The following NAPG variants were observed in gnomAD, a reference collection of about 807,000 sequenced individuals.
The protein encoded by NAPG is gamma-soluble NSF attachment protein.
A neutral mutation model predicts 48.4 loss-of-function variants in NAPG; 25 were observed. The observed-to-expected ratio is 0.52, with a 90% CI of 0.38 to 0.72. NAPG has a LOEUF of 0.72. Among genes scored for constraint, NAPG ranks in the 30% least tolerant of loss-of-function variants. The pLI, the probability that NAPG is intolerant of heterozygous loss-of-function variation, is 0.00. For missense variants in NAPG, 359 were observed against 372.5 expected (o/e 0.96, Z 0.30); for synonymous variants, 139 against 127.2 (o/e 1.09, Z -0.62).
intron 8 of NAPG, 38 bp downstream of exon 8, chr18:10,540,437 A>G (rs758642735): frequency 3.2e-6 from 5 of 1,544,326 alleles, no homozygotes; most frequent in Non-Finnish European, 4.4e-6. Context: ...GTTTAACTAT[A>G]CTTTGAATCC....
chr18:10,526,123 C>T lies in NAPG; in HGVS notation c.21C>T (p.Asn7=). 6 of 1,613,546 alleles carry T rather than the reference C, an allele frequency of 3.7e-6. No homozygotes were observed. Among genetic ancestry groups the T allele is most frequent in the Non-Finnish European group, 5.1e-6 (6 of 1,179,598 alleles). Residue 7 remains asparagine, a synonymous_variant, in exon 1 of 12, where the codon AAC becomes AAT. Coordinates refer to ENST00000322897, the MANE Select transcript of NAPG (RefSeq NM_003826.3). MAAQKI[N]EGLEHLAKAE... ...TGGAGATGGCGGCTCAGAAGATAAA[C>T]GAGGGGCTGGAACACCTCGCCAAAG...
intron 5 of NAPG, among the ~76,000 whole-genome samples, chr18:10,536,156 T>G (rs994851505): frequency 1.3e-5 from 2 of 152,216 alleles, no homozygotes; most frequent in Non-Finnish European, 2.9e-5. Flanking sequence ...TTTCCATTGC[T>G]CAAGTATCTA....
intron 5 of NAPG, among the ~76,000 whole-genome samples, chr18:10,535,680 G>A (rs1283011825): frequency 6.6e-6 from 1 of 152,208 alleles, no homozygotes; most frequent in African/African-American, 2.4e-5. Context: ...AGAATTGCTT[G>A]AACCCAGGAG....
At chr18:10,536,876 A>C (rs566990584) in intron 5 of NAPG, among the ~76,000 whole-genome samples, 7 of 152,076 alleles carry the variant, frequency 4.6e-5, no homozygotes, top group Non-Finnish European at 8.8e-5. Context: ...TGAACTACCC[A>C]AGGGTTGGGA....
chr18:10,549,562 G>A (rs1379822904), intron 11 of NAPG, among the ~76,000 whole-genome samples: 1 of 152,214 alleles, frequency 6.6e-6, no homozygotes, highest in African/African-American at 2.4e-5. Context: ...GAAGCCACTA[G>A]TACCTGTCTT....
At chr18:10,549,118 G>C (rs750438308) in intron 11 of NAPG, 22 bp downstream of exon 11, 60 of 1,585,640 alleles carry the variant, frequency 3.8e-5, no homozygotes, top group Middle Eastern at 1.7e-4. Context: ...CATTTGCATA[G>C]CTTTCATCTT....
chr18:10,536,352 C>T (rs960917031), intron 5 of NAPG, among the ~76,000 whole-genome samples: 2 of 152,204 alleles, frequency 1.3e-5, no homozygotes, highest in Admixed American at 6.5e-5. Flanking sequence ...AAAATTTCTA[C>T]CAATTTGTCA....
intron 11 of NAPG, 123 bp from the exon 12 acceptor site, chr18:10,549,954 C>A: frequency 2.0e-6 from 2 of 1,025,024 alleles, no homozygotes; most frequent in Non-Finnish European, 2.6e-6. Context: ...TTTGTTTTTC[C>A]ATCTGAATGG....
chr18:10,547,147 G>A (rs115466200), intron 9 of NAPG, among the ~76,000 whole-genome samples: 1,954 of 152,286 alleles, frequency 0.013, 46 homozygotes, highest in African/African-American at 0.045. Flanking sequence ...CATCACTGTC[G>A]AAGTGTTGCA....
Position 10,539,942 on chromosome 18 carries a change from A to C in NAPG, c.369-46A>C. 6.2e-7 allele frequency: 1 copy of C among 1,607,170 alleles called. No individual in the cohort carries two copies. Among genetic ancestry groups the C allele is most frequent in the Non-Finnish European group, 8.5e-7 (1 of 1,175,328 alleles). On this transcript the variant is annotated intron_variant, in intron 6 of 11. Transcript: ENST00000322897. This position sits in a 1 kb window ranked among gnomAD's most constrained non-coding sequence, Gnocchi z 4.7. ...TGTTTTAAAGAGGTCCCTGAAAAAC[A>C]AGTTTTCCATTTCTCATATAAGACA...
Position 10,526,082 on chromosome 18 carries a change from G to A in NAPG, c.-21G>A, listed in dbSNP as rs754204489. On this transcript the variant is annotated 5_prime_UTR_variant, in exon 1 of 12. Coordinates refer to ENST00000322897, the MANE Select transcript of NAPG (RefSeq NM_003826.3). Reference sequence around the variant, plus strand: ...AGAGGCAGGGTCACCCTCTCTCCACGTCAGAGACCTGACTGTGGAGATGGC... The same window carrying A: ...AGAGGCAGGGTCACCCTCTCTCCACATCAGAGACCTGACTGTGGAGATGGC... The A allele has an allele frequency of 3.7e-6, 6 of 1,611,304 alleles. No homozygotes were observed. In the South Asian group the frequency reaches 6.6e-5, roughly 18 times the overall value.
intron 1 of NAPG, chr18:10,526,836 C>T (rs1012677729): frequency 2.6e-5 from 4 of 152,304 alleles, no homozygotes; most frequent in African/African-American, 9.7e-5. Flanking sequence ...TTTTGGCAGC[C>T]TCTTCCCCCC....
intron 1 of NAPG, among the ~76,000 whole-genome samples, chr18:10,528,627 G>T (rs980540964): frequency 6.6e-6 from 1 of 152,202 alleles, no homozygotes; most frequent in Non-Finnish European, 1.5e-5. Context: ...CAGTAAGGTT[G>T]ACATGCTTTA....
chr18:10,534,579 A>G lies in NAPG; in HGVS notation c.258+83A>G. 5 of 1,345,256 alleles carry G rather than the reference A, an allele frequency of 3.7e-6. No homozygotes were observed. The East Asian group carries it at 6.9e-5, about 19-fold the overall frequency. 83.3% of individuals were successfully genotyped at this position (1,345,256 alleles called of 1,614,324 possible). The stretch of plus-strand genomic sequence containing the variant: ...TAAACAAGAATTTTTGTTGAAGTTG[A>G]AAAGCTTCCTTACTGTAAGGCAAGA... On this transcript the variant is annotated intron_variant, in intron 5 of 11. Transcript: ENST00000322897. The surrounding 1 kb of genome is among the most constrained non-coding windows in gnomAD (Gnocchi z 5.0).
In NAPG at chr18:10,548,234, A is replaced by C; in HGVS notation, c.586-65A>C. 1 of 1,178,062 alleles carries C rather than the reference A, an allele frequency of 8.5e-7. No homozygotes were observed. Among genetic ancestry groups the C allele is most frequent in the Non-Finnish European group, 1.3e-6 (1 of 789,090 alleles). The allele number at this position is 1,178,062 out of a possible 1,614,324, so 73.0% of individuals were successfully genotyped here. A position where few individuals can be genotyped will look rare whatever the true frequency, so the allele number is the denominator to read the frequency against. On this transcript the variant is annotated intron_variant, in intron 9 of 11. Transcript: ENST00000322897. This position sits in a 1 kb window ranked among gnomAD's most constrained non-coding sequence, Gnocchi z 4.4. ...AAGTTAAACTCCAGGTGTTTTCAATACTGCCAGGTTATTGACTTTATTAAA... is the reference window on the plus strand; with the variant it reads ...AAGTTAAACTCCAGGTGTTTTCAATCCTGCCAGGTTATTGACTTTATTAAA...
At chr18:10,545,678 G>A (rs956553436) in intron 8 of NAPG, among the ~76,000 whole-genome samples, 2 of 152,194 alleles carry the variant, frequency 1.3e-5, no homozygotes, top group Non-Finnish European at 2.9e-5. Context: ...GGGCCTGGAG[G>A]GTTTGGGGGA....
rs1555613447 is a variant in NAPG, at chr18:10,543,146, A to AG, written c.506+2747_506+2748insG. Among the ~76,000 whole-genome samples the AG allele has an allele frequency of 8.2e-5, 12 of 146,812 alleles. No homozygotes were observed. The highest frequency in any genetic ancestry group is 1.9e-4 in the African/African-American group (7 of 36,914). On this transcript the variant is annotated intron_variant, in intron 8 of 11. Transcript: ENST00000322897. This position sits in a 1 kb window ranked among gnomAD's most constrained non-coding sequence, Gnocchi z 4.4. ...TGAGACTCCCATCTCAAAAAAAAAA[A>AG]AAAAGAAAAGAAAAGAAAAAAAGAC...
chr18:10,546,290 G>T lies in NAPG; in HGVS notation c.507-36G>T. ...GGGGACCTCTGCTATAGATCATTTA[G>T]ACCTGCTTTTTTTACATTTCTGTGT... On this transcript the variant is annotated intron_variant, in intron 8 of 11. Transcript: ENST00000322897. The surrounding 1 kb of genome is among the most constrained non-coding windows in gnomAD (Gnocchi z 4.0). 1 of 1,400,676 alleles carries T rather than the reference G, an allele frequency of 7.1e-7. No homozygotes were observed. Among genetic ancestry groups the T allele is most frequent in the Non-Finnish European group, 9.8e-7 (1 of 1,016,246 alleles). 86.8% of individuals were successfully genotyped at this position (1,400,676 alleles called of 1,614,324 possible).
rs768775251 is a variant in NAPG, at chr18:10,551,357, G to A, written c.*1137G>A. ...TTTATTTTATTTTGATTGTAACTCC[G>A]TCATAACTTGACATGGAAAATGCTA... On this transcript the variant is annotated 3_prime_UTR_variant, in exon 12 of 12. Transcript: ENST00000322897. The A allele has an allele frequency of 1.1e-4, 17 of 152,024 alleles. No individual in the cohort carries two copies. Among genetic ancestry groups the A allele is most frequent in the South Asian group, 4.1e-4 (2 of 4,832 alleles). 9.4% of individuals were successfully genotyped at this position (152,024 alleles called of 1,614,324 possible). A position where few individuals can be genotyped will look rare whatever the true frequency, so the allele number is the denominator to read the frequency against.
Sources: allele counts gnomAD v4.1 joint callset (sites outside exome capture counted in the v4.1 genomes callset), GRCh38; gene constraint gnomAD v4.1.1; non-coding constraint Gnocchi (gnomAD v3.1); transcripts MANE v1.5; gene names NCBI Gene and HGNC (gene_info 2026-07-23, HGNC 2026-07-21).